Variants in CCDC7 observed in about 807,000 individuals in gnomAD.
CCDC7 encodes the protein coiled-coil domain containing 7.
Under a neutral mutation model 196.9 loss-of-function variants are expected in CCDC7, and 183 were observed. That is an observed-to-expected ratio of 0.93 (90% confidence interval 0.82 to 1.05). The LOEUF is 1.05. CCDC7 is among the 50% of genes least tolerant of loss of function. The pLI is 0.00. For missense variants in CCDC7, 1,540 were observed against 1,482.2 expected, an observed-to-expected ratio of 1.04 and a Z score of -0.64; for synonymous variants, 525 against 484.6, an observed-to-expected ratio of 1.08 and a Z score of -1.10.
At chr10:32,516,734 A>G (rs997760417) in intron 9 of CCDC7, among the ~76,000 whole-genome samples, 6 of 152,214 alleles carry the variant, frequency 3.9e-5, no homozygotes, top group Non-Finnish European at 4.4e-5. Flanking sequence ...TAAATTATGT[A>G]TCTGCTTTGG....
At chr10:32,465,248 C>T (rs922629675) in intron 5 of CCDC7, among the ~76,000 whole-genome samples, 3 of 151,826 alleles carry the variant, frequency 2.0e-5, no homozygotes, top group Non-Finnish European at 4.4e-5. Context: ...CTATAATAAC[C>T]CTTAAGAGTT....
At chr10:32,726,251 C>T (rs1323282130) in intron 25 of CCDC7, among the ~76,000 whole-genome samples, 1 of 151,792 alleles carries the variant, frequency 6.6e-6, no homozygotes, top group Non-Finnish European at 1.5e-5. Flanking sequence ...ATTATTTTTA[C>T]ATAATATGTA....
intron 20 of CCDC7, 65 bp downstream of exon 21, chr10:32,635,223 T>A (rs1007705161): frequency 7.6e-6 from 3 of 393,914 alleles, no homozygotes; most frequent in African/African-American, 2.1e-5. Flanking sequence ...TTTTTTATGG[T>A]TCATGAATAT....
At chr10:32,863,167 C>A (rs189677934) in intron 41 of CCDC7, among the ~76,000 whole-genome samples, 38 of 150,246 alleles carry the variant, frequency 2.5e-4, no homozygotes, top group Middle Eastern at 3.4e-3. Flanking sequence ...TTGTATGAAA[C>A]CACAAAAAAA....
intron 7 of CCDC7, among the ~76,000 whole-genome samples, chr10:32,472,954 A>C (rs2038254709): frequency 6.6e-6 from 1 of 152,236 alleles, no homozygotes; most frequent in South Asian, 2.1e-4. Context: ...AAAGTTAAAA[A>C]TTTACAGTTA....
Position 32,725,257 on chromosome 10 carries a change from C to G in CCDC7, c.2570-1477C>G, listed in dbSNP as rs2082947033. 5.0e-5 allele frequency: 23 copies of G among 461,198 alleles called. 1 individual carries two copies. Among genetic ancestry groups the G allele is most frequent in the South Asian group, 3.3e-4 (21 of 63,542 alleles). The allele number at this position is 461,198 out of a possible 1,614,324, so 28.6% of individuals were successfully genotyped here. A position where few individuals can be genotyped will look rare whatever the true frequency, so the allele number is the denominator to read the frequency against. ...GCACCAACTGATTTATGCAGTTGCT[C>G]TATCCTATAATACTTTGAAACTTTT... is the stretch of plus-strand genomic sequence containing the variant. On this transcript the variant is annotated intron_variant, in intron 25 of 41. Coordinates refer to ENST00000639629, the Ensembl canonical transcript of CCDC7.
chr10:32,801,879 G>A (rs528704726), intron 29 of CCDC7, among the ~76,000 whole-genome samples: 16 of 152,266 alleles, frequency 1.1e-4, no homozygotes, highest in South Asian at 2.1e-4. Flanking sequence ...TGTTTCCTCC[G>A]CCCAAAAAGT....
intron 9 of CCDC7, among the ~76,000 whole-genome samples, chr10:32,495,305 G>T (rs1424748833): frequency 6.6e-6 from 1 of 152,072 alleles, no homozygotes; most frequent in Non-Finnish European, 1.5e-5. Context: ...TTGTAAGATG[G>T]ATAGATTGCA....
chr10:32,660,178 G>T (rs2070977049), intron 20 of CCDC7, among the ~76,000 whole-genome samples: 1 of 148,206 alleles, frequency 6.7e-6, no homozygotes, highest in Non-Finnish European at 1.5e-5. Context: ...ACATTGTGCA[G>T]GTTAGTTACA....
chr10:32,791,675 T>C (rs377593770), intron 29 of CCDC7, among the ~76,000 whole-genome samples: 60 of 149,692 alleles, frequency 4.0e-4, no homozygotes, highest in African/African-American at 1.4e-3. Flanking sequence ...AATGACTCTA[T>C]CAGAGAAGAA....
intron 25 of CCDC7, among the ~76,000 whole-genome samples, chr10:32,719,757 A>G (rs916954406): frequency 6.6e-6 from 1 of 151,964 alleles, no homozygotes. Context: ...GCAGCCAACA[A>G]ACATGAAAAA....
intron 20 of CCDC7, among the ~76,000 whole-genome samples, chr10:32,662,206 AC>A (rs1351321690): frequency 6.6e-6 from 1 of 152,170 alleles, no homozygotes; most frequent in Non-Finnish European, 1.5e-5. Flanking sequence ...TTCTCTCTGC[AC>A]CAGGCGGACA....
At chr10:32,556,894 T>G (rs898475219) in intron 13 of CCDC7, among the ~76,000 whole-genome samples, 2 of 152,236 alleles carry the variant, frequency 1.3e-5, no homozygotes, top group African/African-American at 4.8e-5. Flanking sequence ...TTGTTCAACT[T>G]CCTCTCTGAA....
intron 12 of CCDC7, among the ~76,000 whole-genome samples, chr10:32,543,731 T>C (rs2051917554): frequency 6.6e-6 from 1 of 152,118 alleles, no homozygotes; most frequent in African/African-American, 2.4e-5. Context: ...GTGTTGGCTG[T>C]TCTTTTCTAC....
chr10:32,872,324 T>G (rs2094458515), intron 41 of CCDC7, among the ~76,000 whole-genome samples: 2 of 152,192 alleles, frequency 1.3e-5, no homozygotes, highest in South Asian at 2.1e-4. Flanking sequence ...TTGTCTCTTT[T>G]GATCTTTGTT....
intron 32 of CCDC7, among the ~76,000 whole-genome samples, chr10:32,828,504 GAA>G: frequency 3.0e-5 from 4 of 134,098 alleles, no homozygotes; most frequent in Non-Finnish European, 6.4e-5. Flanking sequence ...AGAAGAAGAA[GAA>G]GAAGAAGAAG....
At chr10:32,480,944 T>A (rs1444688706) in intron 8 of CCDC7, among the ~76,000 whole-genome samples, 1 of 152,180 alleles carries the variant, frequency 6.6e-6, no homozygotes, top group Non-Finnish European at 1.5e-5. Flanking sequence ...GAATGTAGAG[T>A]ACTGAAGGCC....
chr10:32,608,342 TG>T (rs2061742913), intron 18 of CCDC7, among the ~76,000 whole-genome samples: 1 of 152,160 alleles, frequency 6.6e-6, no homozygotes, highest in African/African-American at 2.4e-5. Flanking sequence ...ATTTTTGGTT[TG>T]GTTTGTTCCT....
exon 28 of CCDC7, chr10:32,729,410 G>T: frequency 6.8e-7 from 1 of 1,480,592 alleles, no homozygotes; most frequent in Non-Finnish European, 9.3e-7. Flanking sequence ...TTATCAAGAA[G>T]CGAATCTCAA....
Sources: gnomAD v4.1 joint callset for allele counts (sites outside exome capture counted in the v4.1 genomes callset) on GRCh38, gnomAD v4.1.1 for gene constraint, MANE v1.5 for transcripts, NCBI Gene and HGNC (gene_info 2026-07-23, HGNC 2026-07-21) for gene names.